GJA5: variants seen among roughly 807,000 people sequenced by gnomAD.
GJA5 encodes the protein gap junction protein alpha 5, also known as gap junction alpha-5 protein.
In GJA5, 3 loss-of-function variants were observed where a neutral mutation model predicts 7.9. The ratio of observed to expected loss-of-function variants is 0.38; its 90% CI spans 0.17 to 0.99. GJA5 has a LOEUF of 0.99. Among genes scored for constraint, GJA5 ranks in the 50% least tolerant of loss-of-function variants. The pLI is 0.38. For synonymous variants in GJA5, 193 were observed against 181.0 expected, an observed-to-expected ratio of 1.07 and a Z score of -0.53; for missense variants, 390 against 457.9, an observed-to-expected ratio of 0.85 and a Z score of 1.35.
upstream of GJA5, among the ~76,000 whole-genome samples, chr1:147,764,260 G>C (rs1463271378): frequency 6.6e-6 from 1 of 152,100 alleles, no homozygotes; most frequent in Non-Finnish European, 1.5e-5. Context: ...TTCTAAAATT[G>C]ACCTCAGCCC....
In GJA5 at chr1:147,758,614, C is replaced by A; in HGVS notation, c.625G>T (p.Val209Phe). Residue 209 changes from valine (V) to phenylalanine (F), a missense_variant, in exon 2 of 2, where the codon GTC (valine) becomes TTC (phenylalanine). Coordinates refer to ENST00000579774, the MANE Select transcript of GJA5 (RefSeq NM_181703.4). ...AGTGCAGCCACAGCCAGCATAAAGACAATGAAGACATTCTTCTCTGTGGGC... is the reference window on the plus strand; with the variant it reads ...AGTGCAGCCACAGCCAGCATAAAGAAAATGAAGACATTCTTCTCTGTGGGC... ...SRPTEKNVFI[V>F]FMLAVAALSL... The A allele has an allele frequency of 6.2e-7, 1 of 1,614,188 alleles. No homozygotes were observed. Among genetic ancestry groups the A allele is most frequent in the African/African-American group, 1.3e-5 (1 of 75,060 alleles).
chr1:147,770,102 G>A (rs1395529210), intron 1 of GJA5, among the ~76,000 whole-genome samples: 1 of 152,138 alleles, frequency 6.6e-6, no homozygotes, highest in African/African-American at 2.4e-5. Flanking sequence ...AGCCACCTCT[G>A]TCCTCTCCTG....
upstream of GJA5, among the ~76,000 whole-genome samples, chr1:147,762,478 A>G (rs1156265137): frequency 2.6e-5 from 4 of 152,202 alleles, no homozygotes; most frequent in African/African-American, 9.6e-5. Flanking sequence ...TGTCCAAGGA[A>G]TTCCACCTGG....
rs587616919 is a variant in GJA5, at chr1:147,759,140, A to T, written c.99T>A (p.Arg33=). The T allele has an allele frequency of 1.9e-6, 3 of 1,613,362 alleles. No homozygotes were observed. The highest frequency in any genetic ancestry group is 1.7e-6 in the Non-Finnish European group (2 of 1,179,374). The change falls in exon 2 of 2, where the codon CGT becomes CGA. Residue 33 remains arginine (R), a synonymous_variant. Coordinates refer to ENST00000579774, the MANE Select transcript of GJA5 (RefSeq NM_181703.4). ...CAGCAGCTGTGCCCAGCACGAGCAT[A>T]CGGAATATGAAGAGGACAGTGAGCC... ...KVWLTVLFIF[R]MLVLGTAAES...
chr1:147,759,645 C>G (rs2232188), intron 1 of GJA5, among the ~76,000 whole-genome samples: 1 of 152,180 alleles, frequency 6.6e-6, no homozygotes, highest in African/African-American at 2.4e-5. Flanking sequence ...CTGATGCAGG[C>G]GGTGAGGGAC....
At chr1:147,763,861 G>C (rs1367945690), upstream of GJA5, among the ~76,000 whole-genome samples, 1 of 152,096 alleles carries the variant, frequency 6.6e-6, no homozygotes, top group Non-Finnish European at 1.5e-5. Flanking sequence ...CCAGGCTGGA[G>C]TGCAGTGGCA....
chr1:147,771,482 G>A (rs1664401236), intron 1 of GJA5, among the ~76,000 whole-genome samples: 1 of 152,182 alleles, frequency 6.6e-6, no homozygotes, highest in Admixed American at 6.5e-5. Flanking sequence ...GCCAAAGAAG[G>A]AGGCTGGTAA....
At chr1:147,772,845 A>G (rs1664463916) in intron 1 of GJA5, among the ~76,000 whole-genome samples, 2 of 150,768 alleles carry the variant, frequency 1.3e-5, no homozygotes, top group African/African-American at 4.9e-5. Context: ...GCATTTTGAA[A>G]AAGATTCCAT....
chr1:147,764,842 A>AC (rs1664144110), upstream of GJA5, among the ~76,000 whole-genome samples: 1 of 151,460 alleles, frequency 6.6e-6, no homozygotes, highest in African/African-American at 2.4e-5. Flanking sequence ...AAAAAAAAAA[A>AC]ATTAATAAAG....
At chr1:147,770,413 G>C (rs1553228880) in intron 1 of GJA5, among the ~76,000 whole-genome samples, 1 of 151,946 alleles carries the variant, frequency 6.6e-6, no homozygotes, top group African/African-American at 2.4e-5. Flanking sequence ...TTCTAGCTTA[G>C]AGGACAGCAG....
chr1:147,760,992 T>G (rs1005025792), upstream of GJA5, among the ~76,000 whole-genome samples: 30 of 152,122 alleles, frequency 2.0e-4, no homozygotes, highest in Non-Finnish European at 4.1e-4. Context: ...TGAGCCTCAC[T>G]TAGCCCCACC....
chr1:147,757,938 A>C lies in GJA5; in HGVS notation c.*224T>G. ...ATCTGAAAGGCTTCGTATACTGGGTAGAGGGTGGGGAGGGAACTGCAGTCT... is the reference window on the plus strand; with the variant it reads ...ATCTGAAAGGCTTCGTATACTGGGTCGAGGGTGGGGAGGGAACTGCAGTCT... On this transcript the variant is annotated 3_prime_UTR_variant, in exon 2 of 2. Transcript: ENST00000579774. 1.7e-6 allele frequency: 1 copy of C among 578,452 alleles called. No homozygotes were observed. Among genetic ancestry groups the C allele is most frequent in the Non-Finnish European group, 3.1e-6 (1 of 324,648 alleles). The allele number at this position is 578,452 out of a possible 1,614,324, so 35.8% of individuals were successfully genotyped here.
At position 147,769,593 on chromosome 1, in the gene GJA5, C is replaced by T. The variant is rs1013079202; in HGVS notation, c.-34+3659G>A. 3.3e-5 allele frequency among the ~76,000 whole-genome samples: 5 copies of T among 152,130 alleles called. No individual in the cohort carries two copies. In the East Asian group the frequency reaches 9.6e-4, roughly 29 times the overall value. The stretch of plus-strand genomic sequence containing the variant: ...GTAAAAACTCCTCTCAGACATGATC[C>T]AACTAGCCAACTTGATGCAGAATCT... On this transcript the variant is annotated intron_variant, in intron 1 of 1. Coordinates refer to the GJA5 transcript ENST00000430508.
At chr1:147,772,120 C>G (rs1463642453) in intron 1 of GJA5, among the ~76,000 whole-genome samples, 3 of 152,140 alleles carry the variant, frequency 2.0e-5, no homozygotes, top group African/African-American at 7.2e-5. Context: ...TTTGCTGGTT[C>G]CAGGTCTTCT....
Position 147,770,604 on chromosome 1 carries a change from A to G in GJA5, c.-34+2648T>C, listed in dbSNP as rs587710013. 5.9e-5 allele frequency among the ~76,000 whole-genome samples: 9 copies of G among 152,286 alleles called. No individual in the cohort carries two copies. The East Asian group carries it at 1.5e-3, about 26-fold the overall frequency. On this transcript the variant is annotated intron_variant, in intron 1 of 1. Transcript: ENST00000430508. ...GATGAAGAAACTGAGTGTAAGAGAC[A>G]TTAAATAATTTCCCCAAGATCACAC...
At position 147,758,069 on chromosome 1, in the gene GJA5, G is replaced by T; in HGVS notation, c.*93C>A. The stretch of plus-strand genomic sequence containing the variant: ...GGGCTCAAAGGAGCCAAGCAGTGAT[G>T]ACAGTGAGAAAGCATCAGTTCAGAA... On this transcript the variant is annotated 3_prime_UTR_variant, in exon 2 of 2. Coordinates refer to ENST00000579774, the MANE Select transcript of GJA5 (RefSeq NM_181703.4). 2.2e-6 allele frequency: 2 copies of T among 898,086 alleles called. No homozygotes were observed. The highest frequency in any genetic ancestry group is 3.8e-6 in the Non-Finnish European group (2 of 532,024). The allele number at this position is 898,086 out of a possible 1,614,324, so 55.6% of individuals were successfully genotyped here.
chr1:147,773,247 C>T (rs587598960), intron 1 of GJA5: 1 of 152,418 alleles, frequency 6.6e-6, no homozygotes, highest in East Asian at 1.9e-4. Context: ...CAAGTCTACT[C>T]TTACCTGCTT....
Position 147,757,227 on chromosome 1 carries a change from T to A in GJA5, c.*935A>T, listed in dbSNP as rs1183802977. Reference sequence around the variant, plus strand: ...AAATTCCACTGGCCTCAGTGGCTGATGATCTGGTCAGGGTTCGAGAGAGGA... The same window carrying A: ...AAATTCCACTGGCCTCAGTGGCTGAAGATCTGGTCAGGGTTCGAGAGAGGA... On this transcript the variant is annotated 3_prime_UTR_variant, in exon 2 of 2. Coordinates refer to ENST00000579774, the MANE Select transcript of GJA5 (RefSeq NM_181703.4). The A allele has an allele frequency of 6.6e-6, 1 of 152,260 alleles. No homozygotes were observed. Among genetic ancestry groups the A allele is most frequent in the Non-Finnish European group, 1.5e-5 (1 of 68,064 alleles). The allele number at this position is 152,260 out of a possible 1,614,324, so 9.4% of individuals were successfully genotyped here. A position where few individuals can be genotyped will look rare whatever the true frequency, so the allele number is the denominator to read the frequency against.
rs782627991 is a variant in GJA5 at position 147,758,211 on chromosome 1, C to T, written c.1028G>A (p.Arg343His). 1.2e-6 allele frequency: 2 copies of T among 1,614,108 alleles called. No individual in the cohort carries two copies. The highest frequency in any genetic ancestry group is 1.7e-5 in the Admixed American group (1 of 60,030). Residue 343 changes from arginine (R) to histidine (H), a missense_variant, in exon 2 of 2, where the codon CGT becomes CAT. Transcript: ENST00000579774. ...LPHGYHSDKR[R>H]LSKASSKARS... ...TGCCTTGCTGCTGGCCTTACTAAGA[C>T]GTCGCTTGTCACTATGATAGCCATG...
Sources: gnomAD v4.1 joint callset for allele counts (sites outside exome capture counted in the v4.1 genomes callset) on GRCh38, gnomAD v4.1.1 for gene constraint, MANE v1.5 for transcripts, NCBI Gene and HGNC (gene_info 2026-07-23, HGNC 2026-07-21) for gene names.